Variants in ITPR2 observed in about 807,000 individuals in gnomAD.
ITPR2 encodes inositol 1,4,5-trisphosphate receptor type 2, also known as inositol 1,4,5-trisphosphate-gated calcium channel ITPR2.
In ITPR2, 207 loss-of-function variants were observed where a neutral mutation model predicts 317.1. The ratio of observed to expected loss-of-function variants is 0.65; its 90% confidence interval spans 0.58 to 0.73. ITPR2 has a LOEUF of 0.73. Ranked by LOEUF, ITPR2 falls within the 30% of genes least tolerant of loss-of-function variation. ITPR2 has a pLI of 0.00. For missense variants in ITPR2, 2,613 were observed against 3,284.0 expected (o/e 0.80, Z 4.99); for synonymous variants, 1,156 against 1,149.1 (o/e 1.01, Z -0.12).
chr12:26,595,461 T>C lies in ITPR2; in HGVS notation c.4380+4A>G. 3 of 1,605,584 alleles carry C rather than the reference T, an allele frequency of 1.9e-6. No homozygotes were observed. The highest frequency in any genetic ancestry group is 2.5e-6 in the Non-Finnish European group (3 of 1,177,924). On this transcript the variant is annotated splice_donor_region_variant and intron_variant, in intron 32 of 56. Coordinates refer to ENST00000381340, the MANE Select transcript of ITPR2 (RefSeq NM_002223.4). ...CACCCTTCAGTAGTCAAAATCTAAC[T>C]TACCCTTGCCATATCCACCAAGAAG...
chr12:26,600,340 T>C (rs895075107), intron 28 of ITPR2, among the ~76,000 whole-genome samples: 2 of 152,144 alleles, frequency 1.3e-5, no homozygotes, highest in African/African-American at 4.8e-5. Flanking sequence ...TATTCTGCTC[T>C]ACTTTTCCAA....
At chr12:26,825,722 T>G (rs970894499) in intron 1 of ITPR2, among the ~76,000 whole-genome samples, 1 of 152,234 alleles carries the variant, frequency 6.6e-6, no homozygotes, top group African/African-American at 2.4e-5. Context: ...GAATGACTTT[T>G]AGGTTTAAGA....
intron 43 of ITPR2, among the ~76,000 whole-genome samples, chr12:26,479,444 A>C (rs147127972): frequency 6.6e-6 from 1 of 152,108 alleles, no homozygotes; most frequent in African/African-American, 2.4e-5. Flanking sequence ...CATTAAGTTT[A>C]ATTAATTACA....
intron 45 of ITPR2, among the ~76,000 whole-genome samples, chr12:26,447,358 T>C (rs1411533325): frequency 6.6e-6 from 1 of 152,064 alleles, no homozygotes; most frequent in Non-Finnish European, 1.5e-5. Flanking sequence ...TTTTTCTTGT[T>C]TGATAGTTAT....
intron 52 of ITPR2, among the ~76,000 whole-genome samples, chr12:26,402,792 C>T (rs1940219646): frequency 2.0e-5 from 3 of 152,224 alleles, no homozygotes; most frequent in Admixed American, 2.0e-4. Context: ...GCCTGAAAGT[C>T]AGGCTCTGAG....
At chr12:26,787,848 G>A (rs1168033673) in intron 2 of ITPR2, among the ~76,000 whole-genome samples, 1 of 151,224 alleles carries the variant, frequency 6.6e-6, no homozygotes, top group Non-Finnish European at 1.5e-5. Flanking sequence ...CTCTTGAAGA[G>A]GCAATGATGT....
At chr12:26,492,371 G>A (rs1942825923) in intron 39 of ITPR2, among the ~76,000 whole-genome samples, 1 of 151,322 alleles carries the variant, frequency 6.6e-6, no homozygotes, top group African/African-American at 2.4e-5. Context: ...GATGAAGGAT[G>A]ATCCCATCTG....
intron 2 of ITPR2, among the ~76,000 whole-genome samples, chr12:26,733,619 TA>T (rs1949064063): frequency 6.6e-6 from 1 of 152,318 alleles, no homozygotes; most frequent in Admixed American, 6.5e-5. Flanking sequence ...CACTAATAGG[TA>T]AACACTCAAG....
At chr12:26,649,790 T>C (rs1367256259) in intron 21 of ITPR2, among the ~76,000 whole-genome samples, 1 of 142,700 alleles carries the variant, frequency 7.0e-6, no homozygotes, top group Non-Finnish European at 1.6e-5. Context: ...GATAGATAGA[T>C]AGATAGATAG....
At chr12:26,774,212 A>G (rs886883987) in intron 2 of ITPR2, among the ~76,000 whole-genome samples, 1 of 152,196 alleles carries the variant, frequency 6.6e-6, no homozygotes, top group Non-Finnish European at 1.5e-5. Context: ...ATTTAAGACT[A>G]TAACAAACTA....
At chr12:26,494,458 C>T in intron 38 of ITPR2, 118 bp from the exon 39 acceptor site, 1 of 687,546 alleles carries the variant, frequency 1.5e-6, no homozygotes, top group South Asian at 2.8e-5. Context: ...AGATTTTTTC[C>T]CTACAAAGTT....
At chr12:26,427,832 A>T in intron 49 of ITPR2, 81 bp downstream of exon 49, 2 of 920,500 alleles carry the variant, frequency 2.2e-6, no homozygotes, top group Non-Finnish European at 2.9e-6. Context: ...TACATGAATT[A>T]AAAGCTTATA....
chr12:26,542,852 G>A (rs1232619187), intron 37 of ITPR2, among the ~76,000 whole-genome samples: 2 of 152,046 alleles, frequency 1.3e-5, no homozygotes, highest in African/African-American at 4.8e-5. Flanking sequence ...ATTCTAAATA[G>A]GTCAACTTCT....
chr12:26,511,893 G>A (rs944069022), intron 37 of ITPR2, among the ~76,000 whole-genome samples: 1 of 152,132 alleles, frequency 6.6e-6, no homozygotes, highest in African/African-American at 2.4e-5. Context: ...AGTTTCTTTA[G>A]TTCTGTCCTC....
intron 2 of ITPR2, among the ~76,000 whole-genome samples, chr12:26,747,433 C>T (rs534444005): frequency 6.6e-6 from 1 of 152,314 alleles, no homozygotes; most frequent in South Asian, 2.1e-4. Flanking sequence ...TTTAAAACTA[C>T]CACTTTTGTA....
At chr12:26,505,352 T>A (rs1321703086) in intron 37 of ITPR2, among the ~76,000 whole-genome samples, 1 of 152,194 alleles carries the variant, frequency 6.6e-6, no homozygotes, top group Non-Finnish European at 1.5e-5. Context: ...ACAATCCACA[T>A]CTTCCTTCTG....
At chr12:26,663,998 C>T in intron 14 of ITPR2, 152 bp from the exon 15 acceptor site, 1 of 678,232 alleles carries the variant, frequency 1.5e-6, no homozygotes, top group Non-Finnish European at 2.3e-6. Flanking sequence ...CGTTACAGGA[C>T]CAACATATCA....
At chr12:26,696,528 A>G (rs1490998678) in intron 9 of ITPR2, among the ~76,000 whole-genome samples, 1 of 152,158 alleles carries the variant, frequency 6.6e-6, no homozygotes, top group Non-Finnish European at 1.5e-5. Context: ...TCATCACTAA[A>G]TACCAATGAG....
chr12:26,648,815 G>A (rs1447466535), intron 21 of ITPR2: 1 of 152,036 alleles, frequency 6.6e-6, no homozygotes, highest in Non-Finnish European at 1.5e-5. Flanking sequence ...TGCACCACAG[G>A]AATTTTTCCC....
Sources: allele counts gnomAD v4.1 joint callset (sites outside exome capture counted in the v4.1 genomes callset), GRCh38; gene constraint gnomAD v4.1.1; transcripts MANE v1.5; gene names NCBI Gene and HGNC (gene_info 2026-07-23, HGNC 2026-07-21).